Variants in OC90 observed in about 807,000 individuals in gnomAD.
OC90 encodes the protein otoconin-90.
A neutral mutation model predicts 47.3 loss-of-function variants in OC90; 46 were observed. That is an observed-to-expected ratio of 0.97 (90% CI 0.77 to 1.24). The LOEUF is 1.24. Among genes scored for constraint, OC90 ranks in the 50% most tolerant of loss-of-function variants. The probability of loss-of-function intolerance (pLI) is 0.00; values close to 1 mark genes in which losing one functional copy is unlikely to be tolerated. For synonymous variants in OC90, 271 were observed against 219.5 expected, an observed-to-expected ratio of 1.23 and a Z score of -2.07; for missense variants, 688 against 583.9, an observed-to-expected ratio of 1.18 and a Z score of -1.84.
chr8:132,051,911 A>C (rs779911150), intron 2 of OC90, among the ~76,000 whole-genome samples: 2 of 152,234 alleles, frequency 1.3e-5, no homozygotes, highest in Non-Finnish European at 1.5e-5. Flanking sequence ...TTTTTTTGAA[A>C]TGTTAATTTT....
chr8:132,024,457 G>A lies in OC90; in HGVS notation c.*24C>T, dbSNP rs117550044. On this transcript the variant is annotated 3_prime_UTR_variant, in exon 14 of 14. Transcript: ENST00000254627. ...TGGAGCAGGAGCCACGCTACTGAAG[G>A]TGTTAGCCATTTTCTCTGGGCATCT... 1,655 of 1,514,766 alleles carry A rather than the reference G, an allele frequency of 1.1e-3. 21 individuals are homozygous for A. In the East Asian group the frequency reaches 0.032, roughly 29 times the overall value. 93.8% of individuals were successfully genotyped at this position (1,514,766 alleles called of 1,614,324 possible).
At chr8:132,044,066 T>G (rs7837227) in intron 4 of OC90, among the ~76,000 whole-genome samples, 288 of 152,344 alleles carry the variant, frequency 1.9e-3, no homozygotes, top group Non-Finnish European at 3.1e-3. Flanking sequence ...ACTACTTTGA[T>G]GTACAGGACT....
At chr8:132,042,526 G>A (rs192615219) in intron 4 of OC90, among the ~76,000 whole-genome samples, 15 of 152,178 alleles carry the variant, frequency 9.9e-5, no homozygotes, top group South Asian at 6.2e-4. Context: ...GCCTATGACC[G>A]CCTCCCTCCC....
In OC90 at chr8:132,035,123, T is replaced by A. The variant is rs77096610; in HGVS notation, c.680-289A>T. ...TTTGGGAATGACAGCTTCTTTAGAA[T>A]TCGGAGAAAAACTAAAAGAAAAGTA... is the stretch of plus-strand genomic sequence containing the variant. On this transcript the variant is annotated intron_variant, in intron 9 of 13. Coordinates refer to ENST00000254627, the MANE Select transcript of OC90 (RefSeq NM_001080399.3). Among the ~76,000 whole-genome samples, 3,352 of 152,292 alleles carry A rather than the reference T, an allele frequency of 0.022. 86 individuals carry two copies. Among genetic ancestry groups the A allele is most frequent in the South Asian group, 0.11 (528 of 4,824 alleles).
intron 13 of OC90, among the ~76,000 whole-genome samples, chr8:132,027,963 C>G (rs530671424): frequency 6.6e-6 from 1 of 152,328 alleles, no homozygotes; most frequent in Non-Finnish European, 1.5e-5. Flanking sequence ...CCACTTATTT[C>G]TAACTGTGTG....
chr8:132,039,155 A>G (rs1823015318), intron 6 of OC90, 32 bp from the exon 7 acceptor site: 3 of 1,569,530 alleles, frequency 1.9e-6, no homozygotes, highest in Non-Finnish European at 2.6e-6. Context: ...CCAATTGGAA[A>G]GATCTCAGCT....
chr8:132,042,503 C>T (rs2878263), intron 4 of OC90, among the ~76,000 whole-genome samples: 93,761 of 151,544 alleles, frequency 0.62, 29,516 homozygotes, highest in East Asian at 0.75. Context: ...AGTACCCAAC[C>T]GGGGTTTTTT....
At chr8:132,025,361 T>C (rs1822741671) in intron 13 of OC90, among the ~76,000 whole-genome samples, 1 of 152,066 alleles carries the variant, frequency 6.6e-6, no homozygotes, top group South Asian at 2.1e-4. Flanking sequence ...AAATGGCGAG[T>C]TTGACTTTCC....
At chr8:132,031,780 G>C (rs944304417) in intron 12 of OC90, 101 bp downstream of exon 12, 2 of 996,020 alleles carry the variant, frequency 2.0e-6, no homozygotes. Flanking sequence ...ATTTAGTGAG[G>C]CCCAAGTTTC....
intron 12 of OC90, among the ~76,000 whole-genome samples, chr8:132,031,522 A>G (rs1209847347): frequency 5.3e-5 from 8 of 152,206 alleles, no homozygotes; most frequent in African/African-American, 1.7e-4. Context: ...GGTTATTGCA[A>G]ATTAGGTGGA....
chr8:132,053,833 C>T (rs991164808), intron 2 of OC90, among the ~76,000 whole-genome samples: 7 of 152,200 alleles, frequency 4.6e-5, no homozygotes, highest in Admixed American at 2.6e-4. Context: ...CTGGCTGACG[C>T]CTGCCCTTGG....
chr8:132,045,667 G>A (rs1205460726), intron 3 of OC90, 151 bp downstream of exon 3: 2 of 578,570 alleles, frequency 3.5e-6, no homozygotes, highest in African/African-American at 1.9e-5. Context: ...GATTGTTGGG[G>A]AGATGCTTTT....
intron 4 of OC90, among the ~76,000 whole-genome samples, chr8:132,043,771 A>T (rs559658824): frequency 2.0e-5 from 3 of 152,348 alleles, no homozygotes; most frequent in Admixed American, 2.0e-4. Flanking sequence ...ATTTATGTAA[A>T]TATGCATTTT....
intron 6 of OC90, among the ~76,000 whole-genome samples, chr8:132,040,169 T>C (rs1307740455): frequency 1.3e-5 from 2 of 152,178 alleles, no homozygotes; most frequent in African/African-American, 4.8e-5. Context: ...TCCTTGATGC[T>C]CCATACTCCA....
At position 132,036,265 on chromosome 8, in the gene OC90, G is replaced by T; in HGVS notation, c.679+1173C>A. 1.1e-5 allele frequency: 8 copies of T among 726,174 alleles called. 1 individual carries two copies. In the South Asian group the frequency reaches 1.2e-4, roughly 11 times the overall value. 45.0% of individuals were successfully genotyped at this position (726,174 alleles called of 1,614,324 possible). On this transcript the variant is annotated intron_variant, in intron 9 of 13. Transcript: ENST00000254627. ...AATGGGTATAATAATATTTATTTCAGGTTCCATTAAGAAGTGGTCACAGGA... is the reference window on the plus strand; with the variant it reads ...AATGGGTATAATAATATTTATTTCATGTTCCATTAAGAAGTGGTCACAGGA...
Position 132,031,962 on chromosome 8 carries a change from G to A in OC90, c.950C>T (p.Ser317Phe). The A allele has an allele frequency of 1.2e-6, 2 of 1,614,008 alleles. No individual in the cohort carries two copies. The highest frequency in any genetic ancestry group is 1.7e-6 in the Non-Finnish European group (2 of 1,179,866). ...AGACTCAAATTCCTCCGGGCACCGGGATGTCAGACAAAAGAGCATCTCTCC... is the reference window on the plus strand; with the variant it reads ...AGACTCAAATTCCTCCGGGCACCGGAATGTCAGACAAAAGAGCATCTCTCC... ...QLGEMLFCLT[S>F]RCPEEFESYG... Residue 317 changes from serine to phenylalanine, a missense_variant, in exon 12 of 14, where the codon TCC (serine) becomes TTC (phenylalanine). Ser to Phe is a radical substitution (Grantham distance 155). Transcript: ENST00000254627.
At position 132,042,029 on chromosome 8, in the gene OC90, G is replaced by A. The variant is rs557308053; in HGVS notation, c.170-330C>T. On this transcript the variant is annotated intron_variant, in intron 4 of 13. Transcript: ENST00000254627. ...CTGATTGGTCTATGGCTGTGCATGT[G>A]ACCCAGATTTGGCCAAAAAACCTTA... 6.2e-4 allele frequency among the ~76,000 whole-genome samples: 95 copies of A among 152,160 alleles called. 2 individuals are homozygous for A. The highest frequency in any genetic ancestry group is 4.6e-3 in the Admixed American group (70 of 15,284).
chr8:132,036,381 G>A (rs1292378186), intron 9 of OC90: 1 of 780,806 alleles, frequency 1.3e-6, no homozygotes, highest in East Asian at 2.4e-5. Context: ...TTTTCTTGGA[G>A]AGAGTGATCA....
chr8:132,039,947 T>TAACCTCC (rs1563731295), intron 6 of OC90, among the ~76,000 whole-genome samples: 30 of 151,994 alleles, frequency 2.0e-4, no homozygotes, highest in African/African-American at 6.5e-4. Context: ...CTTGTCCCTC[T>TAACCTCC]CTAACATACT....
Sources: gnomAD v4.1 joint callset for allele counts (sites outside exome capture counted in the v4.1 genomes callset) on GRCh38, gnomAD v4.1.1 for gene constraint, MANE v1.5 for transcripts, NCBI Gene and HGNC (gene_info 2026-07-23, HGNC 2026-07-21) for gene names.